Variants in CWC27 observed in about 807,000 individuals in gnomAD.
CWC27 encodes the protein CWC27 spliceosome associated cyclophilin.
A neutral mutation model predicts 63.6 loss-of-function variants in CWC27; 47 were observed. The observed-to-expected ratio is 0.74, with a 90% confidence interval of 0.58 to 0.94. The LOEUF (loss-of-function observed/expected upper bound fraction) is 0.94. Among genes scored for constraint, CWC27 ranks in the 40% least tolerant of loss-of-function variants. The pLI is 0.00. For missense variants in CWC27, 495 were observed against 554.3 expected (o/e 0.89, Z 1.07); for synonymous variants, 175 against 179.8 (o/e 0.97, Z 0.22).
chr5:64,968,007 A>G (rs1280950330), intron 11 of CWC27, among the ~76,000 whole-genome samples: 4 of 152,078 alleles, frequency 2.6e-5, no homozygotes, highest in Non-Finnish European at 5.9e-5. Context: ...CATTTACAAA[A>G]TATATATTTG....
chr5:64,946,877 A>C (rs925454234), intron 11 of CWC27, among the ~76,000 whole-genome samples: 2 of 152,088 alleles, frequency 1.3e-5, no homozygotes, highest in African/African-American at 4.8e-5. Context: ...CTGTTCTTCT[A>C]ATGGTTAATC....
chr5:64,846,467 T>C (rs891704006), intron 10 of CWC27, among the ~76,000 whole-genome samples: 21 of 152,254 alleles, frequency 1.4e-4, no homozygotes, highest in African/African-American at 5.1e-4. Context: ...TAAGTTGTTA[T>C]CAGCTTATAC....
chr5:64,843,467 G>A (rs890310029), intron 10 of CWC27, among the ~76,000 whole-genome samples: 1 of 152,146 alleles, frequency 6.6e-6, no homozygotes, highest in African/African-American at 2.4e-5. Flanking sequence ...TTTTTGAAGT[G>A]TTAATGCATT....
rs1213734641 is a variant in CWC27 at position 64,769,134 on chromosome 5, T to A, written c.-13T>A. 2.5e-6 allele frequency: 4 copies of A among 1,613,858 alleles called. No homozygotes were observed. The South Asian group carries it at 4.4e-5, about 18-fold the overall frequency. On this transcript the variant is annotated 5_prime_UTR_variant, in exon 1 of 14. Transcript: ENST00000381070. ...ATCCCCCGTAAGGAGCAGAGTCCTT[T>A]GTACTGACCAAGATGAGCAACATCT... is the stretch of plus-strand genomic sequence containing the variant.
rs769957094 is a variant in CWC27, at chr5:64,977,190, C to T, written c.1208C>T (p.Thr403Met). ...KSKLTQAIAETPENDIPETEV... is the reference protein window; with the variant it reads ...KSKLTQAIAEMPENDIPETEV... ...AAACTCACTCAAGCAATTGCTGAAACGCCTGAAAATGACATTCCTGAAACA... is the reference window on the plus strand; with the variant it reads ...AAACTCACTCAAGCAATTGCTGAAATGCCTGAAAATGACATTCCTGAAACA... Residue 403 changes from threonine (T) to methionine (M), a missense_variant, in exon 13 of 14, where the codon ACG becomes ATG. Coordinates refer to ENST00000381070, the MANE Select transcript of CWC27 (RefSeq NM_005869.4). 15 of 1,612,394 alleles carry T rather than the reference C, an allele frequency of 9.3e-6. No individual in the cohort carries two copies. Among genetic ancestry groups the T allele is most frequent in the East Asian group, 6.7e-5 (3 of 44,804 alleles).
chr5:64,822,658 A>G (rs1745236659), intron 10 of CWC27, among the ~76,000 whole-genome samples: 1 of 152,202 alleles, frequency 6.6e-6, no homozygotes, highest in South Asian at 2.1e-4. Flanking sequence ...TAAACTGTAA[A>G]TACAACTCAT....
At chr5:64,879,758 G>A (rs1243598171) in intron 10 of CWC27, among the ~76,000 whole-genome samples, 1 of 148,988 alleles carries the variant, frequency 6.7e-6, no homozygotes, top group East Asian at 2.0e-4. Flanking sequence ...TGGGTTAAAT[G>A]AAGACACTAA....
At chr5:64,800,423 C>A in intron 8 of CWC27, 96 bp downstream of exon 8, 2 of 801,970 alleles carry the variant, frequency 2.5e-6, no homozygotes, top group South Asian at 2.2e-5. Flanking sequence ...CCTCATAAGT[C>A]AAAAATTTTT....
chr5:64,868,258 C>A (rs927103641), intron 10 of CWC27, among the ~76,000 whole-genome samples: 1 of 152,002 alleles, frequency 6.6e-6, no homozygotes, highest in South Asian at 2.1e-4. Flanking sequence ...TAAAGGGGCA[C>A]CTGTGTTCCT....
intron 12 of CWC27, among the ~76,000 whole-genome samples, chr5:64,972,169 C>T (rs1749138910): frequency 6.6e-6 from 1 of 152,120 alleles, no homozygotes; most frequent in South Asian, 2.1e-4. Flanking sequence ...AGAGTCTCTT[C>T]CAGCCCGACA....
At chr5:64,880,636 T>C (rs888120705) in intron 10 of CWC27, among the ~76,000 whole-genome samples, 2 of 151,936 alleles carry the variant, frequency 1.3e-5, no homozygotes, top group Non-Finnish European at 2.9e-5. Context: ...CTACTGTAAT[T>C]TCTAGGCTGC....
intron 10 of CWC27, among the ~76,000 whole-genome samples, chr5:64,818,170 G>A (rs554838588): frequency 9.1e-4 from 138 of 151,950 alleles, no homozygotes; most frequent in Non-Finnish European, 1.6e-3. Context: ...GATGTTAATT[G>A]GCATATGAGT....
At chr5:64,776,543 CACA>C (rs968816521) in intron 2 of CWC27, among the ~76,000 whole-genome samples, 2 of 151,866 alleles carry the variant, frequency 1.3e-5, no homozygotes, top group South Asian at 2.1e-4. Context: ...TAAAAATAAC[CACA>C]ACAATTATCT....
At chr5:64,934,023 T>C (rs1748294079) in intron 11 of CWC27, among the ~76,000 whole-genome samples, 1 of 152,208 alleles carries the variant, frequency 6.6e-6, no homozygotes, top group South Asian at 2.1e-4. Context: ...GCAGAAAGTA[T>C]AGTTATAGAG....
chr5:64,937,072 A>C (rs1226572515), intron 11 of CWC27, among the ~76,000 whole-genome samples: 1 of 151,990 alleles, frequency 6.6e-6, no homozygotes, highest in Non-Finnish European at 1.5e-5. Flanking sequence ...TGATTTTTTG[A>C]AGGGTTTTTT....
intron 10 of CWC27, chr5:64,808,052 T>C (rs1744750658): frequency 6.1e-6 from 8 of 1,315,448 alleles, no homozygotes; most frequent in South Asian, 1.7e-5. Context: ...GTCTCTTTTC[T>C]CTTGAGACTA....
chr5:64,826,076 AATCT>A lies in CWC27; in HGVS notation c.938+21726_938+21729del, dbSNP rs148024057. 9.9e-3 allele frequency among the ~76,000 whole-genome samples: 1,468 copies of A among 148,404 alleles called. 26 individuals are homozygous for A. Among genetic ancestry groups the A allele is most frequent in the African/African-American group, 0.032 (1,260 of 39,706 alleles). On this transcript the variant is annotated intron_variant, in intron 10 of 13. Transcript: ENST00000381070. Reference sequence around the variant, plus strand: ...TTGTATAAGCTAATTCTTTGTAATAAATCTATCTATCTATCTATCTATCTATCTA... The same window carrying A: ...TTGTATAAGCTAATTCTTTGTAATAAATCTATCTATCTATCTATCTATCTA...
chr5:64,911,299 A>G (rs551090549), intron 11 of CWC27, among the ~76,000 whole-genome samples: 2 of 152,348 alleles, frequency 1.3e-5, no homozygotes, highest in East Asian at 3.9e-4. Context: ...GTCACAGAGT[A>G]AAATATTTTA....
At chr5:65,017,050 G>A (rs539865265) in intron 13 of CWC27, among the ~76,000 whole-genome samples, 77 of 152,194 alleles carry the variant, frequency 5.1e-4, no homozygotes, top group African/African-American at 1.8e-3. Flanking sequence ...CGCCGGGCAC[G>A]GTGGCTCACA....
Sources: gnomAD v4.1 joint callset for allele counts (sites outside exome capture counted in the v4.1 genomes callset) on GRCh38, gnomAD v4.1.1 for gene constraint, MANE v1.5 for transcripts, NCBI Gene and HGNC (gene_info 2026-07-23, HGNC 2026-07-21) for gene names.